Variants in ERCC8 observed in about 807,000 individuals in gnomAD.
ERCC8 encodes the protein ERCC excision repair 8, CSA ubiquitin ligase complex subunit, also known as DNA excision repair protein ERCC-8.
Under a neutral mutation model 54.9 loss-of-function variants are expected in ERCC8, and 52 were observed. The observed-to-expected ratio is 0.95, with a 90% CI of 0.76 to 1.19. The LOEUF (loss-of-function observed/expected upper bound fraction) is 1.19, where lower values mean the gene tolerates loss of function less well. ERCC8 is among the 50% of genes most tolerant of loss of function. The pLI, the probability that ERCC8 is intolerant of heterozygous loss-of-function variation, is 0.00. For missense variants in ERCC8, 514 were observed against 466.1 expected, an observed-to-expected ratio of 1.10 and a Z score of -0.95; for synonymous variants, 146 against 157.2, an observed-to-expected ratio of 0.93 and a Z score of 0.53.
intron 2 of ERCC8, among the ~76,000 whole-genome samples, chr5:60,924,000 TA>T (rs916224815): frequency 2.4e-4 from 36 of 152,254 alleles, no homozygotes; most frequent in Non-Finnish European, 5.0e-4. Flanking sequence ...CTTTGCTTTT[TA>T]AAAAAATTTT....
At position 60,890,961 on chromosome 5, in the gene ERCC8, T is replaced by C. The variant is rs1344910612; in HGVS notation, c.969A>G (p.Ser323=). 1 of 1,613,534 alleles carries C rather than the reference T, an allele frequency of 6.2e-7. No homozygotes were observed. Residue 323 remains serine (S), a synonymous_variant, in exon 10 of 12, where the codon TCA becomes TCG. Coordinates refer to ENST00000676185, the MANE Select transcript of ERCC8 (RefSeq NM_000082.4). ...CCTTAAGCATAGTTATCTGTTCTCC[T>C]GAGTAAACTGTATAAACAGCAATGG... ...GSTIAVYTVY[S]GEQITMLKGH... is the part of the protein sequence containing the mutation.
intron 3 of ERCC8, 195 bp from the exon 4 acceptor site, chr5:60,918,583 T>C (rs1749509529): frequency 5.2e-6 from 3 of 579,524 alleles, no homozygotes; most frequent in Non-Finnish European, 9.4e-6. Flanking sequence ...CACTGTGTGA[T>C]GTAGAGACAT....
At chr5:60,904,665 T>C (rs1749013372) in intron 5 of ERCC8, 127 bp downstream of exon 5, 1 of 158,556 alleles carries the variant, frequency 6.3e-6, no homozygotes, top group Non-Finnish European at 1.2e-5. Flanking sequence ...TATATATATA[T>C]ATATATATAT....
intron 11 of ERCC8, among the ~76,000 whole-genome samples, chr5:60,878,088 T>C (rs536439502): frequency 2.0e-4 from 31 of 152,338 alleles, no homozygotes; most frequent in Non-Finnish European, 3.5e-4. Context: ...TGAAGGTTGT[T>C]GAATTTTGTC....
intron 2 of ERCC8, chr5:60,924,553 TC>T (rs935047207): frequency 2.6e-5 from 4 of 154,332 alleles, no homozygotes; most frequent in Middle Eastern, 5.2e-4. Context: ...ACAATATAAA[TC>T]CCCCCCTCTT....
Position 60,873,105 on chromosome 5 carries a change from TATA to T in ERCC8, c.*1507_*1509del, listed in dbSNP as rs1278440163. Among the ~76,000 whole-genome samples, 1 of 152,162 alleles carries T rather than the reference TATA, an allele frequency of 6.6e-6. No individual in the cohort carries two copies. The highest frequency in any genetic ancestry group is 1.5e-5 in the Non-Finnish European group (1 of 68,034). On this transcript the variant is annotated 3_prime_UTR_variant, in exon 12 of 12. Coordinates refer to ENST00000676185, the MANE Select transcript of ERCC8 (RefSeq NM_000082.4). ...GAGACCTATTGCACAACATAGTAAC[TATA>T]GTTACAATTACAAGATTACTATTAA...
intron 9 of ERCC8, among the ~76,000 whole-genome samples, chr5:60,893,858 C>T (rs1324965478): frequency 6.6e-6 from 1 of 152,138 alleles, no homozygotes; most frequent in African/African-American, 2.4e-5. Flanking sequence ...GCATTAAGTG[C>T]ATTCATGTTG....
At chr5:60,884,546 GTGTGGT>G (rs1748342257) in intron 11 of ERCC8, among the ~76,000 whole-genome samples, 1 of 127,348 alleles carries the variant, frequency 7.9e-6, no homozygotes. Flanking sequence ...TTGTTTTCTA[GTGTGGT>G]ATACTGCCTC....
intron 9 of ERCC8, among the ~76,000 whole-genome samples, chr5:60,894,430 T>C (rs1289271344): frequency 6.6e-6 from 1 of 152,236 alleles, no homozygotes; most frequent in Non-Finnish European, 1.5e-5. Context: ...ATATAAATCA[T>C]AATTATGAAA....
chr5:60,870,499 A>AG lies in ERCC8; in HGVS notation c.*4115_*4116insC, dbSNP rs1747839696. Reference sequence around the variant, plus strand: ...ACCTCTGCTAAAAAAAAAAAAAAAAAAAAAAAAAAAAAATTAGCCAGGCGT... The same window carrying AG: ...ACCTCTGCTAAAAAAAAAAAAAAAAAGAAAAAAAAAAAAATTAGCCAGGCGT... On this transcript the variant is annotated 3_prime_UTR_variant, in exon 12 of 12. Coordinates refer to ENST00000676185, the MANE Select transcript of ERCC8 (RefSeq NM_000082.4). 7.5e-6 allele frequency among the ~76,000 whole-genome samples: 1 copy of AG among 133,396 alleles called. No individual in the cohort carries two copies. The highest frequency in any genetic ancestry group is 1.7e-5 in the Non-Finnish European group (1 of 57,906). 87.5% of individuals were successfully genotyped at this position (133,396 alleles called of 152,430 possible).
At chr5:60,902,531 A>G (rs968811226) in intron 6 of ERCC8, 23 bp from the exon 7 acceptor site, 9 of 1,593,014 alleles carry the variant, frequency 5.6e-6, no homozygotes, top group Admixed American at 1.7e-5. Flanking sequence ...CTATATGAAA[A>G]GTCTTGCAAG....
intron 4 of ERCC8, among the ~76,000 whole-genome samples, chr5:60,906,099 G>A (rs1026924184): frequency 1.3e-5 from 2 of 152,160 alleles, no homozygotes; most frequent in Non-Finnish European, 2.9e-5. Context: ...ATATGCAGGA[G>A]TAATTGGGGA....
intron 1 of ERCC8, among the ~76,000 whole-genome samples, chr5:60,938,253 C>G (rs1180581495): frequency 6.6e-6 from 1 of 150,396 alleles, no homozygotes; most frequent in Non-Finnish European, 1.5e-5. Context: ...TTATGAATTT[C>G]CAAAACATGA....
At chr5:60,886,240 C>T (rs1748386531) in intron 11 of ERCC8, among the ~76,000 whole-genome samples, 1 of 152,004 alleles carries the variant, frequency 6.6e-6, no homozygotes, top group South Asian at 2.1e-4. Flanking sequence ...AATACAGAGG[C>T]TATTACTTTA....
chr5:60,929,072 T>C (rs574456622), intron 1 of ERCC8, 113 bp from the exon 2 acceptor site: 2 of 689,408 alleles, frequency 2.9e-6, no homozygotes, highest in East Asian at 2.7e-5. Flanking sequence ...CTAAATCTTC[T>C]ACCACACATC....
At chr5:60,912,951 C>G (rs886360913) in intron 4 of ERCC8, among the ~76,000 whole-genome samples, 1 of 152,066 alleles carries the variant, frequency 6.6e-6, no homozygotes, top group African/African-American at 2.4e-5. Flanking sequence ...CCCACTTGAT[C>G]ATGGTGGATA....
At chr5:60,898,037 A>G (rs1748768328) in intron 9 of ERCC8, among the ~76,000 whole-genome samples, 1 of 152,138 alleles carries the variant, frequency 6.6e-6, no homozygotes, top group Non-Finnish European at 1.5e-5. Context: ...TTGCACTCCC[A>G]TTGAGAACAG....
chr5:60,872,978 T>C lies in ERCC8; in HGVS notation c.*1637A>G, dbSNP rs898838927. On this transcript the variant is annotated 3_prime_UTR_variant, in exon 12 of 12. Coordinates refer to ENST00000676185, the MANE Select transcript of ERCC8 (RefSeq NM_000082.4). ...ACATATACACAAACAGCTGATCTCA[T>C]AGAAGTAGAGAGTAGAATGGTGGTT... Among the ~76,000 whole-genome samples, 11 of 152,080 alleles carry C rather than the reference T, an allele frequency of 7.2e-5. No individual in the cohort carries two copies. The highest frequency in any genetic ancestry group is 2.7e-4 in the African/African-American group (11 of 41,398).
chr5:60,911,601 C>A (rs1749266688), intron 4 of ERCC8, among the ~76,000 whole-genome samples: 2 of 152,098 alleles, frequency 1.3e-5, no homozygotes, highest in Admixed American at 6.5e-5. Context: ...TTAATTAGAT[C>A]CCACTTGTCA....
Sources: allele counts gnomAD v4.1 joint callset (sites outside exome capture counted in the v4.1 genomes callset), GRCh38; gene constraint gnomAD v4.1.1; transcripts MANE v1.5; gene names NCBI Gene and HGNC (gene_info 2026-07-23, HGNC 2026-07-21).